The following MMP26 variants were observed in gnomAD, a reference collection of about 807,000 sequenced individuals.
MMP26 encodes matrix metallopeptidase 26, also known as matrix metalloproteinase-26.
In MMP26, 33 loss-of-function variants were observed where a neutral mutation model predicts 31.0. The observed-to-expected ratio is 1.06, with a 90% confidence interval of 0.81 to 1.42. The LOEUF is 1.42. Among genes scored for constraint, MMP26 ranks in the 40% most tolerant of loss-of-function variants. MMP26 has a pLI of 0.00. For synonymous variants in MMP26, 122 were observed against 114.9 expected (o/e 1.06, Z -0.40); for missense variants, 347 against 316.1 (o/e 1.10, Z -0.74).
Position 4,835,516 on chromosome 11 carries a change from G to C in MMP26, c.-145+68175G>C, listed in dbSNP as rs187031253. Among the ~76,000 whole-genome samples, 35 of 152,276 alleles carry C rather than the reference G, an allele frequency of 2.3e-4. 1 individual carries two copies. The highest frequency in any genetic ancestry group is 8.4e-4 in the African/African-American group (35 of 41,548). On this transcript the variant is annotated intron_variant, in intron 2 of 7. Transcript: ENST00000380390. ...CGGGGGTATTAATAACAACCACTAT[G>C]TGGTTGAAGGTTTTGACAGAATTGG...
At chr11:4,962,703 T>C (rs992698389) in intron 2 of MMP26, among the ~76,000 whole-genome samples, 7 of 152,198 alleles carry the variant, frequency 4.6e-5, no homozygotes, top group African/African-American at 1.4e-4. Context: ...TTTCCGAAAG[T>C]TGGCACAACT....
At chr11:4,989,374 G>T (rs1270613280) in intron 3 of MMP26, among the ~76,000 whole-genome samples, 1 of 152,052 alleles carries the variant, frequency 6.6e-6, no homozygotes, top group East Asian at 1.9e-4. Context: ...TTATACTTGG[G>T]TTTCTCCATC....
chr11:4,958,649 C>T (rs1405250530), intron 2 of MMP26, among the ~76,000 whole-genome samples: 1 of 152,036 alleles, frequency 6.6e-6, no homozygotes, highest in Admixed American at 6.6e-5. Flanking sequence ...ATTTTTCTTT[C>T]TCCTGTATCT....
chr11:4,722,995 G>A, intron 1 of MMP26: 1 of 867,722 alleles, frequency 1.2e-6, no homozygotes, highest in South Asian at 1.3e-5. Flanking sequence ...GGCTCTCCTC[G>A]CCATCCAGCA....
At chr11:4,854,964 A>G (rs1365907181) in intron 2 of MMP26, among the ~76,000 whole-genome samples, 1 of 152,170 alleles carries the variant, frequency 6.6e-6, no homozygotes, top group Non-Finnish European at 1.5e-5. Flanking sequence ...TCTGGAGCGG[A>G]CCTCCAGCAA....
At chr11:4,798,732 A>C (rs1185096106) in intron 2 of MMP26, among the ~76,000 whole-genome samples, 1 of 152,242 alleles carries the variant, frequency 6.6e-6, no homozygotes, top group Non-Finnish European at 1.5e-5. Flanking sequence ...ATGGGTTCTA[A>C]GGAAGAGATG....
At chr11:4,869,005 G>T (rs1475365044) in intron 2 of MMP26, among the ~76,000 whole-genome samples, 1 of 152,166 alleles carries the variant, frequency 6.6e-6, no homozygotes, top group African/African-American at 2.4e-5. Context: ...TGGGAAAACT[G>T]GCTAGCCATA....
chr11:4,903,388 TA>T (rs1850831849), intron 2 of MMP26, among the ~76,000 whole-genome samples: 1 of 152,162 alleles, frequency 6.6e-6, no homozygotes, highest in African/African-American at 2.4e-5. Context: ...TTGATACTTA[TA>T]GATTACTATC....
At chr11:4,960,882 TAAC>T (rs1402410748) in intron 2 of MMP26, among the ~76,000 whole-genome samples, 1 of 152,172 alleles carries the variant, frequency 6.6e-6, no homozygotes, top group Non-Finnish European at 1.5e-5. Context: ...AGGCATATAT[TAAC>T]AACAATCACA....
chr11:4,823,337 A>G (rs948638102), intron 2 of MMP26, among the ~76,000 whole-genome samples: 3 of 152,164 alleles, frequency 2.0e-5, no homozygotes, highest in Admixed American at 2.0e-4. Context: ...AAATTATCCA[A>G]GCCTTTTAGC....
intron 2 of MMP26, chr11:4,907,976 G>C: frequency 6.2e-7 from 1 of 1,614,104 alleles, no homozygotes; most frequent in Non-Finnish European, 8.5e-7. Context: ...CTTCTTCATT[G>C]CTCTCTGTAC....
intron 2 of MMP26, chr11:4,803,390 T>G: frequency 3.3e-6 from 4 of 1,230,090 alleles, no homozygotes; most frequent in Non-Finnish European, 3.5e-6. Flanking sequence ...TGTCCCCACA[T>G]TAGTGGGGCA....
At position 4,825,369 on chromosome 11, in the gene MMP26, T is replaced by C. The variant is rs117569352; in HGVS notation, c.-145+58028T>C. ...TGTCAAACCTGAGCAGCCTGCCTTG[T>C]AGCTCTGCCACCTTTTTAGTGAAAT... On this transcript the variant is annotated intron_variant, in intron 2 of 7. Transcript: ENST00000380390. Among the ~76,000 whole-genome samples the C allele has an allele frequency of 2.1e-4, 32 of 152,256 alleles. No homozygotes were observed. The East Asian group carries it at 5.4e-3, about 26-fold the overall frequency.
chr11:4,792,186 CA>C (rs35035436), intron 2 of MMP26, among the ~76,000 whole-genome samples: 13,144 of 137,552 alleles, frequency 0.096, 647 homozygotes, highest in Middle Eastern at 0.18. Context: ...GTGTTTGACT[CA>C]AAAAAAAAAA....
At position 4,810,111 on chromosome 11, in the gene MMP26, G is replaced by A. The variant is rs143131407; in HGVS notation, c.-145+42770G>A. On this transcript the variant is annotated intron_variant, in intron 2 of 7. Transcript: ENST00000380390. ...CTGAGACTGGAGACTAGAGCTTGAA[G>A]CATTAACCCATCCCTTTCCTCTCTC... Among the ~76,000 whole-genome samples the A allele has an allele frequency of 7.9e-4, 121 of 152,294 alleles. 1 individual carries two copies. In the Middle Eastern group the frequency reaches 0.017, roughly 21 times the overall value.
intron 2 of MMP26, chr11:4,769,179 C>T: frequency 1.9e-6 from 3 of 1,614,116 alleles, no homozygotes; most frequent in Non-Finnish European, 2.5e-6. Flanking sequence ...ACTGCTCCCA[C>T]ATGGGAGACA....
chr11:4,961,627 C>T (rs1247338734), intron 2 of MMP26, among the ~76,000 whole-genome samples: 1 of 152,196 alleles, frequency 6.6e-6, no homozygotes, highest in Admixed American at 6.5e-5. Context: ...TAACATGATG[C>T]AACCGTCCTG....
At chr11:4,860,449 A>T in intron 2 of MMP26, 1 of 470,836 alleles carries the variant, frequency 2.1e-6, no homozygotes, top group South Asian at 1.5e-5. Flanking sequence ...CAGGAGTGTG[A>T]GTGTGTAGAG....
At chr11:4,956,231 A>G (rs1183267015) in intron 2 of MMP26, among the ~76,000 whole-genome samples, 2 of 152,188 alleles carry the variant, frequency 1.3e-5, no homozygotes, top group Non-Finnish European at 2.9e-5. Context: ...AAGAATCCTG[A>G]TATACAAACC....
Sources: allele counts gnomAD v4.1 joint callset (sites outside exome capture counted in the v4.1 genomes callset), GRCh38; gene constraint gnomAD v4.1.1; transcripts MANE v1.5; gene names NCBI Gene and HGNC (gene_info 2026-07-23, HGNC 2026-07-21).